HS6ST3: variants seen among roughly 807,000 people sequenced by gnomAD.
The protein encoded by HS6ST3 is heparan sulfate 6-O-sulfotransferase 3.
A neutral mutation model predicts 36.7 loss-of-function variants in HS6ST3; 12 were observed. That is an observed-to-expected ratio of 0.33 (90% confidence interval 0.21 to 0.53). The LOEUF (loss-of-function observed/expected upper bound fraction) is 0.53. Among genes scored for constraint, HS6ST3 ranks in the 20% least tolerant of loss-of-function variants. The pLI is 0.95. For missense variants in HS6ST3, 584 were observed against 640.9 expected, an observed-to-expected ratio of 0.91 and a Z score of 0.96; for synonymous variants, 240 against 257.5, an observed-to-expected ratio of 0.93 and a Z score of 0.65.
chr13:96,601,527 C>A (rs959588543), intron 1 of HS6ST3, among the ~76,000 whole-genome samples: 2 of 151,880 alleles, frequency 1.3e-5, no homozygotes, highest in Non-Finnish European at 2.9e-5. Context: ...TGAATTGTTT[C>A]ATTTCTTTAT....
intron 1 of HS6ST3, among the ~76,000 whole-genome samples, chr13:96,649,728 C>G (rs1240173627): frequency 1.3e-5 from 2 of 151,904 alleles, no homozygotes; most frequent in Non-Finnish European, 2.9e-5. Context: ...TATCCTTGCC[C>G]CTTTACAGTT....
At chr13:96,762,026 TTAC>T (rs915899400) in intron 1 of HS6ST3, among the ~76,000 whole-genome samples, 1 of 152,002 alleles carries the variant, frequency 6.6e-6, no homozygotes, top group African/African-American at 2.4e-5. Context: ...AGCTATATAT[TTAC>T]TACATTTAAG....
intron 1 of HS6ST3, among the ~76,000 whole-genome samples, chr13:96,271,116 G>A (rs1307363920): frequency 6.6e-6 from 1 of 151,780 alleles, no homozygotes; most frequent in African/African-American, 2.4e-5. Flanking sequence ...GTGCCCTGGT[G>A]TATAGAGTTT....
chr13:96,409,961 G>A (rs922182380), intron 1 of HS6ST3, among the ~76,000 whole-genome samples: 1 of 152,136 alleles, frequency 6.6e-6, no homozygotes, highest in African/African-American at 2.4e-5. Context: ...TTCCTACCCC[G>A]AGCAGTATGC....
chr13:96,157,970 T>C (rs975214504), intron 1 of HS6ST3, among the ~76,000 whole-genome samples: 3 of 152,164 alleles, frequency 2.0e-5, no homozygotes, highest in Non-Finnish European at 2.9e-5. Context: ...GGCGGGACTG[T>C]ACAAAGGTAC....
intron 1 of HS6ST3, among the ~76,000 whole-genome samples, chr13:96,303,829 A>G (rs1239875629): frequency 1.3e-5 from 2 of 152,200 alleles, no homozygotes; most frequent in Non-Finnish European, 2.9e-5. Flanking sequence ...AATGACTGGA[A>G]CTAGGAAGAT....
chr13:96,783,587 CCTTATGTAAGGAGGAAAATGT>C (rs1189878258), intron 1 of HS6ST3, among the ~76,000 whole-genome samples: 1 of 147,902 alleles, frequency 6.8e-6, no homozygotes, highest in African/African-American at 2.5e-5. Context: ...TTTTTTTCTG[CCTTATGTAAGGAGGAAAATGT>C]CTTCCAGGGG....
chr13:96,820,648 C>A (rs893838247), intron 1 of HS6ST3, among the ~76,000 whole-genome samples: 1 of 152,246 alleles, frequency 6.6e-6, no homozygotes, highest in Non-Finnish European at 1.5e-5. Flanking sequence ...AACCAAGTCA[C>A]GCTGAAAGCG....
chr13:96,576,534 GAA>G (rs779524847), intron 1 of HS6ST3, among the ~76,000 whole-genome samples: 21 of 152,114 alleles, frequency 1.4e-4, no homozygotes, highest in Non-Finnish European at 3.1e-4. Flanking sequence ...TAATTTCAAA[GAA>G]TAAAGAAAGC....
intron 1 of HS6ST3, among the ~76,000 whole-genome samples, chr13:96,578,398 C>A (rs1423643777): frequency 6.6e-6 from 1 of 152,160 alleles, no homozygotes; most frequent in Non-Finnish European, 1.5e-5. Flanking sequence ...CGAGCTGAAG[C>A]TGAATTGCCT....
chr13:96,142,903 T>A (rs1325850996), intron 1 of HS6ST3, among the ~76,000 whole-genome samples: 2 of 152,080 alleles, frequency 1.3e-5, no homozygotes, highest in Non-Finnish European at 2.9e-5. Context: ...GTAATGTCTT[T>A]AAAAAAAGAT....
chr13:96,477,515 T>G (rs2055869861), intron 1 of HS6ST3, among the ~76,000 whole-genome samples: 1 of 152,144 alleles, frequency 6.6e-6, no homozygotes, highest in South Asian at 2.1e-4. Flanking sequence ...TTTGGTTCAA[T>G]CAAAGAAGTA....
intron 1 of HS6ST3, among the ~76,000 whole-genome samples, chr13:96,479,926 AC>A (rs1453735549): frequency 6.6e-6 from 1 of 152,002 alleles, no homozygotes; most frequent in Non-Finnish European, 1.5e-5. Context: ...TGAGCTTTTC[AC>A]CTTAGCCCAG....
chr13:96,300,948 T>C (rs2054878983), intron 1 of HS6ST3, among the ~76,000 whole-genome samples: 1 of 152,016 alleles, frequency 6.6e-6, no homozygotes, highest in South Asian at 2.1e-4. Flanking sequence ...AAGTCTAGAG[T>C]TCTGGAAGAG....
rs565833523 is a variant in HS6ST3 at position 96,281,707 on chromosome 13, T to C, written c.707+190138T>C. Among the ~76,000 whole-genome samples, 7 of 152,328 alleles carry C rather than the reference T, an allele frequency of 4.6e-5. 1 individual carries two copies. The highest frequency in any genetic ancestry group is 1.4e-4 in the African/African-American group (6 of 41,578). On this transcript the variant is annotated intron_variant, in intron 1 of 1. Transcript: ENST00000376705. ...CTGGTTCTAGTACTAATTTGTTCTA[T>C]GGTCATAGGCATATTTCCAAAAAGA...
At position 96,509,158 on chromosome 13, in the gene HS6ST3, A is replaced by C. The variant is rs1005432903; in HGVS notation, c.708-323332A>C. Among the ~76,000 whole-genome samples, 12 of 152,186 alleles carry C rather than the reference A, an allele frequency of 7.9e-5. 2 individuals carry two copies. Among genetic ancestry groups the C allele is most frequent in the Admixed American group, 6.5e-5 (1 of 15,268 alleles). On this transcript the variant is annotated intron_variant, in intron 1 of 1. Coordinates refer to ENST00000376705, the MANE Select transcript of HS6ST3 (RefSeq NM_153456.4). ...TTGGCCATTTGTACATCTTCTTTTG[A>C]GAAATGTCTATTCAAGTTCTTTGCC...
chr13:96,713,801 A>G (rs1244033530), intron 1 of HS6ST3, among the ~76,000 whole-genome samples: 8 of 152,168 alleles, frequency 5.3e-5, no homozygotes, highest in African/African-American at 1.2e-4. Flanking sequence ...ATGTAAATAC[A>G]TATATATGGT....
At chr13:96,706,491 G>C (rs897974235) in intron 1 of HS6ST3, among the ~76,000 whole-genome samples, 3 of 146,790 alleles carry the variant, frequency 2.0e-5, no homozygotes, top group Non-Finnish European at 4.5e-5. Flanking sequence ...TGAGTTACTA[G>C]GTGTGATATT....
At chr13:96,712,109 A>G (rs529233380) in intron 1 of HS6ST3, among the ~76,000 whole-genome samples, 1 of 152,282 alleles carries the variant, frequency 6.6e-6, no homozygotes, top group Admixed American at 6.5e-5. Context: ...TCATAAGCCA[A>G]GTGTGGTTTG....
Sources: allele counts gnomAD v4.1 joint callset (sites outside exome capture counted in the v4.1 genomes callset), GRCh38; gene constraint gnomAD v4.1.1; transcripts MANE v1.5; gene names NCBI Gene and HGNC (gene_info 2026-07-23, HGNC 2026-07-21).